Variants in MTMR3 observed in about 807,000 individuals in gnomAD.
MTMR3 encodes the protein myotubularin related protein 3, also known as phosphatidylinositol-3,5-bisphosphate 3-phosphatase MTMR3.
Under a neutral mutation model 132.4 loss-of-function variants are expected in MTMR3, and 32 were observed. The observed-to-expected ratio is 0.24, with a 90% CI of 0.18 to 0.32. The LOEUF (loss-of-function observed/expected upper bound fraction) is 0.32. Among genes scored for constraint, MTMR3 ranks in the 10% least tolerant of loss-of-function variants. The pLI, the probability that MTMR3 is intolerant of heterozygous loss-of-function variation, is 1.00. For missense variants in MTMR3, 1,216 were observed against 1,489.6 expected, an observed-to-expected ratio of 0.82 and a Z score of 3.02; for synonymous variants, 556 against 550.3, an observed-to-expected ratio of 1.01 and a Z score of -0.14.
intron 1 of MTMR3, among the ~76,000 whole-genome samples, chr22:29,932,362 C>T (rs533837145): frequency 6.6e-6 from 1 of 152,296 alleles, no homozygotes; most frequent in African/African-American, 2.4e-5. Flanking sequence ...CATCTGTCCC[C>T]AGAGTGCTTT....
At chr22:29,899,567 T>G (rs2064966111) in intron 1 of MTMR3, 1 of 152,204 alleles carries the variant, frequency 6.6e-6, no homozygotes, top group African/African-American at 2.4e-5. Flanking sequence ...GGATATTAAA[T>G]AATACTACTG....
chr22:29,956,447 A>G (rs999029910), intron 1 of MTMR3, among the ~76,000 whole-genome samples: 2 of 151,412 alleles, frequency 1.3e-5, no homozygotes, highest in East Asian at 2.0e-4. Context: ...GGGTTTTGCC[A>G]TGTTCACCAG....
At chr22:29,897,837 T>C (rs1295724748) in intron 1 of MTMR3, among the ~76,000 whole-genome samples, 1 of 152,202 alleles carries the variant, frequency 6.6e-6, no homozygotes, top group Non-Finnish European at 1.5e-5. Context: ...GCAGAAGTTA[T>C]TTATCTTTTT....
At chr22:29,966,403 C>T (rs894710936) in intron 2 of MTMR3, among the ~76,000 whole-genome samples, 2 of 152,100 alleles carry the variant, frequency 1.3e-5, no homozygotes, top group Non-Finnish European at 2.9e-5. Flanking sequence ...TCACTTAAGT[C>T]TCTCTTAATT....
chr22:29,991,883 A>G, intron 7 of MTMR3: 1 of 426,076 alleles, frequency 2.3e-6, no homozygotes, highest in Non-Finnish European at 4.0e-6. Context: ...ATCACAATCT[A>G]TTGGGCCTAA....
intron 1 of MTMR3, among the ~76,000 whole-genome samples, chr22:29,913,964 G>C (rs549866117): frequency 2.6e-5 from 4 of 152,080 alleles, no homozygotes; most frequent in Non-Finnish European, 5.9e-5. Context: ...TGTTAGCCGG[G>C]TTGGTCTGAT....
intron 1 of MTMR3, among the ~76,000 whole-genome samples, chr22:29,942,585 G>A (rs1010099015): frequency 6.6e-6 from 1 of 151,954 alleles, no homozygotes; most frequent in Admixed American, 6.6e-5. Context: ...TCATCCCTCC[G>A]CTACGACCGT....
chr22:29,943,816 C>CT (rs551855412), intron 1 of MTMR3, among the ~76,000 whole-genome samples: 5,483 of 93,400 alleles, frequency 0.059, 389 homozygotes, highest in African/African-American at 0.2. Context: ...ATGTGGACAA[C>CT]TTTTTTTTTT....
intron 1 of MTMR3, among the ~76,000 whole-genome samples, chr22:29,895,080 C>T (rs2064868039): frequency 6.6e-6 from 1 of 152,032 alleles, no homozygotes; most frequent in Admixed American, 6.6e-5. Context: ...CGGTGGTGGG[C>T]ATCTGTAATC....
At chr22:29,913,985 C>T (rs1431746754) in intron 1 of MTMR3, among the ~76,000 whole-genome samples, 1 of 152,000 alleles carries the variant, frequency 6.6e-6, no homozygotes, top group Non-Finnish European at 1.5e-5. Context: ...CTCTTGAGCT[C>T]GTGATCCGCC....
At chr22:29,959,870 C>T (rs1338176542) in intron 2 of MTMR3, among the ~76,000 whole-genome samples, 1 of 151,436 alleles carries the variant, frequency 6.6e-6, no homozygotes, top group Non-Finnish European at 1.5e-5. Flanking sequence ...GTGATCCTCC[C>T]ACCTCAGCCT....
intron 1 of MTMR3, among the ~76,000 whole-genome samples, chr22:29,928,295 C>T (rs1245060633): frequency 1.3e-5 from 2 of 151,694 alleles, no homozygotes; most frequent in African/African-American, 4.8e-5. Context: ...CTTCAGCCTC[C>T]CTAGTAGCTG....
rs1209668884 is a variant in MTMR3, at chr22:29,967,899, A to G, written c.-84-3077A>G. Among the ~76,000 whole-genome samples the G allele has an allele frequency of 2.0e-5, 3 of 148,280 alleles. No individual in the cohort carries two copies. In the East Asian group the frequency reaches 5.9e-4, roughly 29 times the overall value. On this transcript the variant is annotated intron_variant, in intron 2 of 19. Coordinates refer to ENST00000401950, the MANE Select transcript of MTMR3 (RefSeq NM_021090.4). Reference sequence around the variant, plus strand: ...GTATTTTATTCCATTTTATTGCTGGATAACTCCATTATATATACTGTGTGT... The same window carrying G: ...GTATTTTATTCCATTTTATTGCTGGGTAACTCCATTATATATACTGTGTGT...
chr22:29,914,929 A>G (rs1425374862), intron 1 of MTMR3, among the ~76,000 whole-genome samples: 1 of 152,166 alleles, frequency 6.6e-6, no homozygotes, highest in Non-Finnish European at 1.5e-5. Flanking sequence ...ATGAATTATA[A>G]AAGTTTGATG....
intron 7 of MTMR3, chr22:29,994,983 T>TC (rs2067033747): frequency 2.6e-5 from 4 of 152,282 alleles, no homozygotes. Flanking sequence ...GTCCTTAACT[T>TC]CCTGCTCCTC....
chr22:29,994,743 T>C (rs1191848799), intron 7 of MTMR3: 3 of 152,182 alleles, frequency 2.0e-5, no homozygotes, highest in Non-Finnish European at 4.4e-5. Context: ...AATTACATAA[T>C]TGTCTTAGTA....
chr22:29,949,947 T>G (rs540197932), intron 1 of MTMR3, among the ~76,000 whole-genome samples: 25 of 152,310 alleles, frequency 1.6e-4, no homozygotes, highest in Middle Eastern at 3.4e-3. Context: ...GACACTGATT[T>G]GGGGCAAGGT....
At chr22:29,991,255 G>T (rs1489995044) in intron 6 of MTMR3, 3 of 293,584 alleles carry the variant, frequency 1.0e-5, no homozygotes, top group Non-Finnish European at 1.9e-5. Context: ...TCTTAGAAGA[G>T]ATTTCATTAG....
chr22:30,013,296 A>G, intron 13 of MTMR3, 60 bp from the exon 14 acceptor site: 1 of 1,556,138 alleles, frequency 6.4e-7, no homozygotes, highest in South Asian at 1.1e-5. Flanking sequence ...CACCAGGCTT[A>G]GGACTGTCAC....
Sources: gnomAD v4.1 joint callset for allele counts (sites outside exome capture counted in the v4.1 genomes callset) on GRCh38, gnomAD v4.1.1 for gene constraint, MANE v1.5 for transcripts, NCBI Gene and HGNC (gene_info 2026-07-23, HGNC 2026-07-21) for gene names.